Variants in PHACTR2 observed in about 807,000 individuals in gnomAD.
PHACTR2 encodes chromosome 6 open reading frame 56.
A neutral mutation model predicts 76.0 loss-of-function variants in PHACTR2; 30 were observed. That is an observed-to-expected ratio of 0.39 (90% CI 0.30 to 0.54). The LOEUF (loss-of-function observed/expected upper bound fraction) is 0.54. PHACTR2 is among the 20% of genes least tolerant of loss of function. The probability of loss-of-function intolerance (pLI) is 0.61; values close to 1 mark genes in which losing one functional copy is unlikely to be tolerated. For synonymous variants in PHACTR2, 292 were observed against 292.5 expected, an observed-to-expected ratio of 1.00 and a Z score of 0.02; for missense variants, 696 against 781.1, an observed-to-expected ratio of 0.89 and a Z score of 1.30.
rs1008184741 is a variant in PHACTR2, at chr6:143,684,298, A to C, written c.46+6089A>C. ...TTCCCTTGACTTTCTACATTTCACC[A>C]AATGATACCCCAACCACTCACTTAT... On this transcript the variant is annotated intron_variant, in intron 1 of 12. Coordinates refer to ENST00000440869, the MANE Select transcript of PHACTR2 (RefSeq NM_001100164.2). The surrounding 1 kb of genome is among the most constrained non-coding windows in gnomAD (Gnocchi z 4.3). Among the ~76,000 whole-genome samples the C allele has an allele frequency of 2.6e-5, 4 of 152,116 alleles. No homozygotes were observed. The highest frequency in any genetic ancestry group is 7.2e-5 in the African/African-American group (3 of 41,412).
intron 1 of PHACTR2, among the ~76,000 whole-genome samples, chr6:143,626,653 C>G (rs566710004): frequency 6.6e-6 from 1 of 152,124 alleles, no homozygotes; most frequent in Admixed American, 6.5e-5. Context: ...TAAATCATGT[C>G]TTCCTTAATA....
chr6:143,699,350 T>C (rs1777847077), intron 1 of PHACTR2, among the ~76,000 whole-genome samples: 1 of 152,140 alleles, frequency 6.6e-6, no homozygotes, highest in Admixed American at 6.5e-5. Flanking sequence ...TGAGTGTCCT[T>C]CACACTTTAT....
At chr6:143,744,606 G>A (rs368985583) in intron 2 of PHACTR2, among the ~76,000 whole-genome samples, 1 of 152,284 alleles carries the variant, frequency 6.6e-6, no homozygotes, top group African/African-American at 2.4e-5. Context: ...CAGTTGTCTG[G>A]GGATATGGCC....
In PHACTR2 at chr6:143,794,508, A is replaced by G. The variant is rs569340782; in HGVS notation, c.1845+5598A>G. ...CCACCTCTGCTTTAAAAAATAAACA[A>G]TGAGGCCAGGTGCAGTGGCTCATGC... On this transcript the variant is annotated intron_variant, in intron 11 of 12. Transcript: ENST00000440869. The surrounding 1 kb of genome is among the most constrained non-coding windows in gnomAD (Gnocchi z 4.1). Among the ~76,000 whole-genome samples, 6 of 152,216 alleles carry G rather than the reference A, an allele frequency of 3.9e-5. No homozygotes were observed. Among genetic ancestry groups the G allele is most frequent in the African/African-American group, 1.2e-4 (5 of 41,526 alleles).
In PHACTR2 at chr6:143,738,829, A is replaced by G. The variant is rs565788854; in HGVS notation, c.215-10156A>G. 1.3e-5 allele frequency among the ~76,000 whole-genome samples: 2 copies of G among 152,282 alleles called. No homozygotes were observed. Among genetic ancestry groups the G allele is most frequent in the South Asian group, 4.1e-4 (2 of 4,828 alleles). ...TCTTCATTTAGGATGCTTTAGTGTC[A>G]CTAAGATTTCTTTTCTATCTAATCT... On this transcript the variant is annotated intron_variant, in intron 2 of 12. Transcript: ENST00000440869. The surrounding 1 kb of genome is among the most constrained non-coding windows in gnomAD (Gnocchi z 4.0).
rs1776067884 is a variant in PHACTR2 at position 143,616,946 on chromosome 6, C to T, written c.13+8624C>T. Among the ~76,000 whole-genome samples, 1 of 152,126 alleles carries T rather than the reference C, an allele frequency of 6.6e-6. No individual in the cohort carries two copies. Among genetic ancestry groups the T allele is most frequent in the South Asian group, 2.1e-4 (1 of 4,828 alleles). ...GACTGGGATGTCTGAGCAACAAGGCCAGTGTGTCTGGGGCCTGATGAGAGG... is the reference window on the plus strand; with the variant it reads ...GACTGGGATGTCTGAGCAACAAGGCTAGTGTGTCTGGGGCCTGATGAGAGG... On this transcript the variant is annotated intron_variant, in intron 1 of 11. Transcript: ENST00000305766. This position sits in a 1 kb window ranked among gnomAD's most constrained non-coding sequence, Gnocchi z 4.9.
In PHACTR2 at chr6:143,780,789, A is replaced by G. The variant is rs553457205; in HGVS notation, c.1646-2430A>G. Among the ~76,000 whole-genome samples the G allele has an allele frequency of 6.6e-6, 1 of 152,330 alleles. No homozygotes were observed. The highest frequency in any genetic ancestry group is 1.5e-5 in the Non-Finnish European group (1 of 68,034). On this transcript the variant is annotated intron_variant, in intron 9 of 12. Transcript: ENST00000440869. This position sits in a 1 kb window ranked among gnomAD's most constrained non-coding sequence, Gnocchi z 4.4. Reference sequence around the variant, plus strand: ...GAGTCACTGAGAGCAAGATTTGTCAATGAACCACGTCACTTCCTTCATGCA... The same window carrying G: ...GAGTCACTGAGAGCAAGATTTGTCAGTGAACCACGTCACTTCCTTCATGCA...
At position 143,627,939 on chromosome 6, in the gene PHACTR2, A is replaced by G. The variant is rs934404484; in HGVS notation, c.13+19617A>G. 6.6e-6 allele frequency among the ~76,000 whole-genome samples: 1 copy of G among 152,144 alleles called. No individual in the cohort carries two copies. The highest frequency in any genetic ancestry group is 1.5e-5 in the Non-Finnish European group (1 of 68,024). On this transcript the variant is annotated intron_variant, in intron 1 of 11. Transcript: ENST00000305766. This position sits in a 1 kb window ranked among gnomAD's most constrained non-coding sequence, Gnocchi z 4.3. ...AAAACCCTATACCCATTGTGCAGTC[A>G]TGACTATTGTCCCCCTCCCCCAGAC...
upstream of PHACTR2, among the ~76,000 whole-genome samples, chr6:143,607,817 G>A (rs1408597812): frequency 6.6e-6 from 1 of 152,160 alleles, no homozygotes; most frequent in Non-Finnish European, 1.5e-5. Flanking sequence ...CATTCAGTGA[G>A]GTCAATGATA....
chr6:143,720,802 G>A (rs1231300343), intron 2 of PHACTR2, among the ~76,000 whole-genome samples: 3 of 152,008 alleles, frequency 2.0e-5, no homozygotes, highest in Non-Finnish European at 4.4e-5. Flanking sequence ...TTGTGGAGAC[G>A]AGATCTCGCT....
chr6:143,600,744 A>T (rs1241357892), intron 1 of PHACTR2, among the ~76,000 whole-genome samples: 2 of 152,190 alleles, frequency 1.3e-5, no homozygotes, highest in Admixed American at 6.5e-5. Flanking sequence ...TGTTTTGTTT[A>T]GTTTTGTTTT....
chr6:143,803,310 G>A lies in PHACTR2; in HGVS notation c.1846-3747G>A, dbSNP rs1296858561. On this transcript the variant is annotated intron_variant, in intron 11 of 12. Coordinates refer to ENST00000440869, the MANE Select transcript of PHACTR2 (RefSeq NM_001100164.2). The surrounding 1 kb of genome is among the most constrained non-coding windows in gnomAD (Gnocchi z 4.7). ...CGCCTGTAGTTCCAGCACTTTGGGAGGCCGAAGTGGGGAGATTGCTTGAGC... is the reference window on the plus strand; with the variant it reads ...CGCCTGTAGTTCCAGCACTTTGGGAAGCCGAAGTGGGGAGATTGCTTGAGC... Among the ~76,000 whole-genome samples the A allele has an allele frequency of 6.6e-6, 1 of 152,208 alleles. No individual in the cohort carries two copies. Among genetic ancestry groups the A allele is most frequent in the Non-Finnish European group, 1.5e-5 (1 of 68,034 alleles).
rs1202905201 is a variant in PHACTR2 at position 143,539,194 on chromosome 6, T to A, written c.217+1987T>A. 3.9e-5 allele frequency among the ~76,000 whole-genome samples: 6 copies of A among 152,256 alleles called. No homozygotes were observed. Among genetic ancestry groups the A allele is most frequent in the Admixed American group, 3.3e-4 (5 of 15,288 alleles). On this transcript the variant is annotated intron_variant, in intron 1 of 11. Transcript: ENST00000367584. This position sits in a 1 kb window ranked among gnomAD's most constrained non-coding sequence, Gnocchi z 4.3. ...CCATGGGCTCCAATTTATAAAATTATTTTACTTCTGAGGACTCTTTGTCTT... is the reference window on the plus strand; with the variant it reads ...CCATGGGCTCCAATTTATAAAATTAATTTACTTCTGAGGACTCTTTGTCTT...
At chr6:143,817,581 G>A (rs556473780) in intron 12 of PHACTR2, among the ~76,000 whole-genome samples, 1 of 152,252 alleles carries the variant, frequency 6.6e-6, no homozygotes, top group East Asian at 1.9e-4. Flanking sequence ...CTGAGAGGGT[G>A]GAACAGGATT....
In PHACTR2 at chr6:143,616,338, T is replaced by G. The variant is rs542108930; in HGVS notation, c.13+8016T>G. Among the ~76,000 whole-genome samples the G allele has an allele frequency of 6.6e-6, 1 of 152,362 alleles. No homozygotes were observed. The highest frequency in any genetic ancestry group is 2.4e-5 in the African/African-American group (1 of 41,590). On this transcript the variant is annotated intron_variant, in intron 1 of 11. Transcript: ENST00000305766. The surrounding 1 kb of genome is among the most constrained non-coding windows in gnomAD (Gnocchi z 4.9). ...CACAGCATTTATACCTTTACAGGTG[T>G]CAAGTTCAAATCCTTATATTTATTG...
chr6:143,670,101 T>G (rs966570365), intron 1 of PHACTR2, among the ~76,000 whole-genome samples: 2 of 152,216 alleles, frequency 1.3e-5, no homozygotes, highest in African/African-American at 4.8e-5. Flanking sequence ...CTCCTTTGCT[T>G]ATGAAGCTTA....
At chr6:143,781,216 A>C (rs1775424395) in intron 9 of PHACTR2, among the ~76,000 whole-genome samples, 1 of 152,190 alleles carries the variant, frequency 6.6e-6, no homozygotes, top group East Asian at 1.9e-4. Context: ...GAACATGGAA[A>C]ACTTAAAGAA....
rs1463513740 is a variant in PHACTR2, at chr6:143,827,112, C to G, written c.*3423C>G. ...CTGAGTCAAAAAAGGTCCAGTTTTACAGCCTGCAATTAATTCAGGGCTGCG... is the reference window on the plus strand; with the variant it reads ...CTGAGTCAAAAAAGGTCCAGTTTTAGAGCCTGCAATTAATTCAGGGCTGCG... On this transcript the variant is annotated 3_prime_UTR_variant, in exon 13 of 13. Transcript: ENST00000440869. The G allele has an allele frequency of 7.2e-6, 1 of 139,192 alleles. No homozygotes were observed. Among genetic ancestry groups the G allele is most frequent in the Non-Finnish European group, 1.5e-5 (1 of 65,664 alleles). The allele number at this position is 139,192 out of a possible 1,614,324, so 8.6% of individuals were successfully genotyped here.
rs140954601 is a variant in PHACTR2 at position 143,554,809 on chromosome 6, A to C, written c.217+17602A>C. On this transcript the variant is annotated intron_variant, in intron 1 of 11. Coordinates refer to the PHACTR2 transcript ENST00000367584. This position sits in a 1 kb window ranked among gnomAD's most constrained non-coding sequence, Gnocchi z 5.9. ...TCTTTCCCTGATTACTATTGAACCT[A>C]GGAAATATTTTATATTATTAGCCAT... The C allele has an allele frequency of 2.0e-5, 3 of 152,142 alleles. No individual in the cohort carries two copies. The highest frequency in any genetic ancestry group is 4.4e-5 in the Non-Finnish European group (3 of 68,022). 9.4% of individuals were successfully genotyped at this position (152,142 alleles called of 1,614,324 possible). A position where few individuals can be genotyped will look rare whatever the true frequency, so the allele number is the denominator to read the frequency against.
Sources: allele counts gnomAD v4.1 joint callset (sites outside exome capture counted in the v4.1 genomes callset), GRCh38; gene constraint gnomAD v4.1.1; non-coding constraint Gnocchi (gnomAD v3.1); transcripts MANE v1.5; gene names NCBI Gene and HGNC (gene_info 2026-07-23, HGNC 2026-07-21).